Variants in ZGRF1 observed in about 807,000 individuals in gnomAD.
The protein encoded by ZGRF1 is zinc finger GRF-type containing 1, also known as 5'-3' DNA helicase ZGRF1.
Under a neutral mutation model 203.5 loss-of-function variants are expected in ZGRF1, and 196 were observed. The ratio of observed to expected loss-of-function variants is 0.96; its 90% CI spans 0.86 to 1.08. The LOEUF is 1.08. ZGRF1 is among the 50% of genes least tolerant of loss of function. The pLI, the probability that ZGRF1 is intolerant of heterozygous loss-of-function variation, is 0.00. For missense variants in ZGRF1, 2,326 were observed against 2,416.3 expected (o/e 0.96, Z 0.78); for synonymous variants, 809 against 841.3 (o/e 0.96, Z 0.66).
rs1226932009 is a variant in ZGRF1 at position 112,632,010 on chromosome 4, C to T, written c.22G>A (p.Val8Ile). 1 of 1,476,816 alleles carries T rather than the reference C, an allele frequency of 6.8e-7. No homozygotes were observed. The highest frequency in any genetic ancestry group is 9.1e-7 in the Non-Finnish European group (1 of 1,094,712). 91.5% of individuals were successfully genotyped at this position (1,476,816 alleles called of 1,614,324 possible). Residue 8 changes from valine to isoleucine, a missense_variant and splice_region_variant, in exon 3 of 28, where the codon GTT becomes ATT. By Grantham distance (29) the Val-to-Ile change is conservative. Coordinates refer to ENST00000505019, the MANE Select transcript of ZGRF1 (RefSeq NM_018392.5). ...TTCATCTTTTGATGAGTATATAGAA[C>T]CTTATTTCCAAAAATACAAAAGAAA... The part of the protein sequence containing the change: MESQEFI[V>I]LYTHQKMKKS...
rs919156142 is a variant in ZGRF1, at chr4:112,587,665, T to A, written c.3392A>T (p.Asn1131Ile). Reference sequence around the variant, plus strand: ...ATTATTAAGTGAAACATCCCCTGGATTCACTTCCCTAGATTCTTCAGAGAA... The same window carrying A: ...ATTATTAAGTGAAACATCCCCTGGAATCACTTCCCTAGATTCTTCAGAGAA... ...TFFSEESREVNPGDVSLNNIS... is the reference protein window; with the variant it reads ...TFFSEESREVIPGDVSLNNIS... Residue 1131 changes from asparagine to isoleucine, a missense_variant, in exon 12 of 28, where the codon AAT becomes ATT. By Grantham distance (149) the Asn-to-Ile change is moderately radical. Coordinates refer to ENST00000505019, the MANE Select transcript of ZGRF1 (RefSeq NM_018392.5). The A allele has an allele frequency of 3.7e-6, 6 of 1,613,576 alleles. No individual in the cohort carries two copies. Among genetic ancestry groups the A allele is most frequent in the Non-Finnish European group, 5.1e-6 (6 of 1,179,722 alleles).
intron 22 of ZGRF1, among the ~76,000 whole-genome samples, chr4:112,551,690 C>G (rs1739988248): frequency 6.6e-6 from 1 of 152,118 alleles, no homozygotes; most frequent in Non-Finnish European, 1.5e-5. Flanking sequence ...TTTGGTGCCA[C>G]TCTGAAATAT....
intron 18 of ZGRF1, among the ~76,000 whole-genome samples, chr4:112,561,987 G>A (rs926656339): frequency 3.4e-4 from 45 of 130,564 alleles, no homozygotes; most frequent in Middle Eastern, 4.6e-3. Flanking sequence ...CCGGCTCACC[G>A]CAACCTCCGC....
chr4:112,605,812 T>C (rs1750684323), intron 9 of ZGRF1, 196 bp downstream of exon 9: 6 of 548,474 alleles, frequency 1.1e-5, no homozygotes, highest in Non-Finnish European at 1.6e-5. Flanking sequence ...TCATTAGTAG[T>C]ATAGAGAAAG....
At chr4:112,557,175 C>CTT (rs111925781) in intron 20 of ZGRF1, among the ~76,000 whole-genome samples, 7 of 143,302 alleles carry the variant, frequency 4.9e-5, no homozygotes, top group Admixed American at 2.1e-4. Context: ...ACTTCTTCTT[C>CTT]TTTTTTTTTT....
At chr4:112,546,601 G>A (rs367746858) in intron 24 of ZGRF1, among the ~76,000 whole-genome samples, 6 of 152,132 alleles carry the variant, frequency 3.9e-5, no homozygotes, top group East Asian at 3.9e-4. Flanking sequence ...TAATCCTCAC[G>A]GATTAATCCC....
chr4:112,612,215 C>T (rs2046708804), intron 7 of ZGRF1, among the ~76,000 whole-genome samples: 1 of 152,212 alleles, frequency 6.6e-6, no homozygotes, highest in Admixed American at 6.5e-5. Flanking sequence ...ATCTGCCTGC[C>T]TCAGCCTCCC....
intron 16 of ZGRF1, among the ~76,000 whole-genome samples, chr4:112,564,676 CTTGT>C (rs1742669217): frequency 6.6e-6 from 1 of 151,890 alleles, no homozygotes; most frequent in African/African-American, 2.4e-5. Context: ...TTATGTATTA[CTTGT>C]TTAATTTTTT....
At chr4:112,603,159 G>A (rs1350966850) in intron 10 of ZGRF1, among the ~76,000 whole-genome samples, 4 of 151,946 alleles carry the variant, frequency 2.6e-5, no homozygotes, top group Non-Finnish European at 5.9e-5. Flanking sequence ...ATCTGCCTTT[G>A]GTAGCAACTA....
At chr4:112,548,066 C>T (rs1253588942) in intron 23 of ZGRF1, among the ~76,000 whole-genome samples, 187 bp downstream of exon 23, 3 of 152,062 alleles carry the variant, frequency 2.0e-5, no homozygotes, top group African/African-American at 7.2e-5. Flanking sequence ...CTCAGCCTCC[C>T]AAGTTGCTGG....
intron 15 of ZGRF1, among the ~76,000 whole-genome samples, chr4:112,583,151 A>T (rs904569246): frequency 6.6e-6 from 1 of 152,208 alleles, no homozygotes; most frequent in Non-Finnish European, 1.5e-5. Context: ...ATTCATGCGA[A>T]GTGCCTAGTT....
rs369903370 is a variant in ZGRF1 at position 112,633,090 on chromosome 4, A to C, written c.21+66T>G. ...GGCAACACAGCAAGATGTTTGTGAA[A>C]CGCCTTTAAAAGAAAGAGACAGAGG... On this transcript the variant is annotated intron_variant, in intron 2 of 27. Transcript: ENST00000505019. 4.1e-5 allele frequency: 58 copies of C among 1,399,210 alleles called. No individual in the cohort carries two copies. In the East Asian group the frequency reaches 7.1e-4, roughly 17 times the overall value. 86.7% of individuals were successfully genotyped at this position (1,399,210 alleles called of 1,614,324 possible). A position where few individuals can be genotyped will look rare whatever the true frequency, so the allele number is the denominator to read the frequency against.
chr4:112,631,479 G>T (rs535957820), intron 3 of ZGRF1, among the ~76,000 whole-genome samples: 31 of 152,218 alleles, frequency 2.0e-4, no homozygotes, highest in Non-Finnish European at 3.2e-4. Context: ...AGACAAGCCT[G>T]GGAAACATGG....
At chr4:112,543,743 G>A (rs1738175039) in intron 24 of ZGRF1, among the ~76,000 whole-genome samples, 1 of 152,162 alleles carries the variant, frequency 6.6e-6, no homozygotes, top group African/African-American at 2.4e-5. Flanking sequence ...TTGGGGGACA[G>A]GAGGAGAAGT....
Position 112,617,777 on chromosome 4 carries a change from T to C in ZGRF1, c.2265A>G (p.Lys755=). The C allele has an allele frequency of 6.2e-7, 1 of 1,614,104 alleles. No homozygotes were observed. The highest frequency in any genetic ancestry group is 8.5e-7 in the Non-Finnish European group (1 of 1,179,958). The change falls in exon 6 of 28, where the codon AAA becomes AAG. Residue 755 remains lysine (K), a synonymous_variant. Transcript: ENST00000505019. ...AAGAATTGGAAATGTGGGTATTTGA[T>C]TTATCAAGTGCAATACATTCATAGT... ...QNHYECIALD[K]SNTHISNSLF... is the part of the protein sequence containing the mutation.
Position 112,619,403 on chromosome 4 carries a change from A to G in ZGRF1, c.639T>C (p.Phe213=), listed in dbSNP as rs575326357. 1 of 1,613,326 alleles carries G rather than the reference A, an allele frequency of 6.2e-7. No homozygotes were observed. The highest frequency in any genetic ancestry group is 1.1e-5 in the South Asian group (1 of 90,950). Residue 213 remains phenylalanine (F), a synonymous_variant, in exon 6 of 28, where the codon TTT becomes TTC. Coordinates refer to ENST00000505019, the MANE Select transcript of ZGRF1 (RefSeq NM_018392.5). Reference sequence around the variant, plus strand: ...TATTTCCAGAATTGACAGGTGAGCAAAAATAATTTTCTTCACACAGCACTT... The same window carrying G: ...TATTTCCAGAATTGACAGGTGAGCAGAAATAATTTTCTTCACACAGCACTT... ...NPEVLCEENY[F]CSPVNSGNKL...
rs770743273 is a variant in ZGRF1, at chr4:112,560,777, ACTT to A, written c.4913_4915del (p.Glu1638del). The A allele has an allele frequency of 8.7e-6, 14 of 1,601,306 alleles. No homozygotes were observed. In the Admixed American group the frequency reaches 1.0e-4, roughly 11 times the overall value. ...GAAGGTATGAGTTTGCAGTTCCTTC[ACTT>A]CTTCAATGCTTTCATGTGATGCCAT... On this transcript the variant is annotated inframe_deletion, in exon 19 of 28. Transcript: ENST00000505019.
intron 16 of ZGRF1, among the ~76,000 whole-genome samples, chr4:112,570,839 C>A (rs1027497447): frequency 1.3e-5 from 2 of 152,056 alleles, no homozygotes; most frequent in Non-Finnish European, 2.9e-5. Flanking sequence ...CATGGAGGCT[C>A]ACATCTGTAA....
intron 10 of ZGRF1, among the ~76,000 whole-genome samples, chr4:112,597,087 G>A (rs907988464): frequency 4.7e-5 from 7 of 148,806 alleles, no homozygotes; most frequent in Admixed American, 1.3e-4. Context: ...GGTGGTGCAC[G>A]CCTGTAGTCC....
Sources: allele counts gnomAD v4.1 joint callset (sites outside exome capture counted in the v4.1 genomes callset), GRCh38; gene constraint gnomAD v4.1.1; transcripts MANE v1.5; gene names NCBI Gene and HGNC (gene_info 2026-07-23, HGNC 2026-07-21).